The following FAM72C variants were observed in gnomAD, a reference collection of about 807,000 sequenced individuals.
The protein encoded by FAM72C is RUMY family member 3.
In FAM72C, 1 loss-of-function variant was observed where a neutral mutation model predicts 5.2. The observed-to-expected ratio is 0.19, with a 90% confidence interval of 0.07 to 0.91. FAM72C has a LOEUF of 0.91. Among genes scored for constraint, FAM72C ranks in the 40% least tolerant of loss-of-function variants. FAM72C has a pLI of 0.66. For synonymous variants in FAM72C, 1 was observed against 21.8 expected, an observed-to-expected ratio of 0.05 and a Z score of 2.66; for missense variants, 4 against 66.0, an observed-to-expected ratio of 0.06 and a Z score of 3.25.
At chr1:143,967,189 C>G (rs1298396312) in intron 2 of FAM72C, among the ~76,000 whole-genome samples, 2 of 144,856 alleles carry the variant, frequency 1.4e-5, no homozygotes, top group African/African-American at 5.1e-5. Flanking sequence ...CAAAAATTAG[C>G]CGGGTGGGCT....
intron 2 of FAM72C, among the ~76,000 whole-genome samples, chr1:143,967,282 A>G (rs1661800105): frequency 6.9e-6 from 1 of 145,884 alleles, no homozygotes; most frequent in Non-Finnish European, 1.5e-5. Flanking sequence ...GTTTGAGAGC[A>G]GCCTGGCCAA....
Position 143,960,796 on chromosome 1 carries a change from T to A in FAM72C, c.355+4059A>T, listed in dbSNP as rs782070386. ...CACAAGGAAAAAGAATTTTTTTTTT[T>A]TAAAAGAATTGGTAGTGTACTTTCT... is the stretch of plus-strand genomic sequence containing the variant. On this transcript the variant is annotated intron_variant, in intron 3 of 3. Transcript: ENST00000584486. Among the ~76,000 whole-genome samples the A allele has an allele frequency of 1.4e-3, 203 of 144,912 alleles. 19 individuals carry two copies. The highest frequency in any genetic ancestry group is 1.8e-3 in the Non-Finnish European group (119 of 65,568).
chr1:143,963,831 T>C (rs1313055796), intron 3 of FAM72C, among the ~76,000 whole-genome samples: 4 of 140,610 alleles, frequency 2.8e-5, no homozygotes, highest in African/African-American at 1.1e-4. Flanking sequence ...TTTTTTTTCT[T>C]TTTTGAGACA....
chr1:143,959,209 C>T (rs1461306995), intron 3 of FAM72C, among the ~76,000 whole-genome samples: 1 of 136,290 alleles, frequency 7.3e-6, no homozygotes, highest in African/African-American at 3.1e-5. Flanking sequence ...GGGCTTTTAT[C>T]TTTGAAAAAT....
At chr1:143,959,631 TA>T (rs1396095468) in intron 3 of FAM72C, among the ~76,000 whole-genome samples, 1 of 123,348 alleles carries the variant, frequency 8.1e-6, no homozygotes, top group African/African-American at 3.2e-5. Context: ...TAAAGGAGAC[TA>T]AAACATGCAT....
chr1:143,962,216 GT>G (rs1220161911), intron 3 of FAM72C, among the ~76,000 whole-genome samples: 1 of 143,418 alleles, frequency 7.0e-6, no homozygotes, highest in Non-Finnish European at 1.5e-5. Context: ...GTTTCTCCAT[GT>G]TGGTCAGGCT....
intron 2 of FAM72C, among the ~76,000 whole-genome samples, chr1:143,965,484 C>T (rs1661749398): frequency 9.3e-6 from 1 of 107,584 alleles, no homozygotes; most frequent in Non-Finnish European, 1.9e-5. Flanking sequence ...GCATGAGCCA[C>T]CATGCTTGTC....
intron 2 of FAM72C, among the ~76,000 whole-genome samples, chr1:143,967,295 T>C (rs1475182256): frequency 0.01 from 1,483 of 145,144 alleles, 117 homozygotes; most frequent in African/African-American, 0.034. Flanking sequence ...CTGGCCAACA[T>C]GGTGAAACCC....
At chr1:143,959,803 T>C (rs1357862770) in intron 3 of FAM72C, among the ~76,000 whole-genome samples, 5 of 130,116 alleles carry the variant, frequency 3.8e-5, no homozygotes, top group Non-Finnish European at 4.9e-5. Flanking sequence ...TGGCAAAAAC[T>C]GGTCTCTACG....
chr1:143,962,202 C>A lies in FAM72C; in HGVS notation c.355+2653G>T, dbSNP rs1192182997. Among the ~76,000 whole-genome samples, 30 of 142,420 alleles carry A rather than the reference C, an allele frequency of 2.1e-4. 4 individuals carry two copies. The highest frequency in any genetic ancestry group is 4.5e-4 in the Non-Finnish European group (29 of 64,412). 93.4% of individuals were successfully genotyped at this position (142,420 alleles called of 152,430 possible). On this transcript the variant is annotated intron_variant, in intron 3 of 3. Coordinates refer to ENST00000584486, the MANE Select transcript of FAM72C (RefSeq NM_001287385.2). ...GCTAATTTTGTATTTTTAGTAGAGA[C>A]GGGGTTTCTCCATGTTGGTCAGGCT...
rs2101708188 is a variant in FAM72C, at chr1:143,967,363, A to G, written c.230+1561T>C. Among the ~76,000 whole-genome samples, 2 of 144,638 alleles carry G rather than the reference A, an allele frequency of 1.4e-5. 1 individual carries two copies. Among genetic ancestry groups the G allele is most frequent in the East Asian group, 4.1e-4 (2 of 4,888 alleles). 94.9% of individuals were successfully genotyped at this position (144,638 alleles called of 152,430 possible). A position where few individuals can be genotyped will look rare whatever the true frequency, so the allele number is the denominator to read the frequency against. On this transcript the variant is annotated intron_variant, in intron 2 of 3. Transcript: ENST00000584486. ...CATGGTGGTGCGTGCCTGTAGTCTC[A>G]GCTACTCAGGAGGCTGAGGCAGGAG...
chr1:143,966,248 C>T (rs1269453684), intron 2 of FAM72C, among the ~76,000 whole-genome samples: 6 of 116,780 alleles, frequency 5.1e-5, no homozygotes, highest in East Asian at 5.0e-4. Flanking sequence ...CTTTAATTAC[C>T]GCCTATATTC....
At chr1:143,967,404 G>C (rs1467914533) in intron 2 of FAM72C, among the ~76,000 whole-genome samples, 1 of 143,594 alleles carries the variant, frequency 7.0e-6, no homozygotes, top group African/African-American at 2.6e-5. Context: ...CTTGAACCTG[G>C]GAGGCAGAGG....
chr1:143,964,578 TC>T (rs1553518112), intron 3 of FAM72C, among the ~76,000 whole-genome samples: 1 of 2,326 alleles, frequency 4.3e-4, no homozygotes, highest in East Asian at 6.9e-3. Flanking sequence ...AGAATATGTA[TC>T]AAGGCAGCAG....
intron 1 of FAM72C, 25 bp downstream of exon 1, chr1:143,970,964 CG>C: frequency 1.2e-5 from 1 of 80,178 alleles, no homozygotes. Flanking sequence ...TAAAAGCTAC[CG>C]TTGCCCGCCA....
At chr1:143,964,034 G>A (rs1222490920) in intron 3 of FAM72C, among the ~76,000 whole-genome samples, 2 of 47,140 alleles carry the variant, frequency 4.2e-5, no homozygotes, top group Non-Finnish European at 8.4e-5. Context: ...GCCCAGGCTG[G>A]TCTCAAACTC....
chr1:143,967,473 G>C lies in FAM72C; in HGVS notation c.230+1451C>G, dbSNP rs1479086928. Among the ~76,000 whole-genome samples the C allele has an allele frequency of 1.5e-5, 2 of 135,264 alleles. 1 individual carries two copies. The highest frequency in any genetic ancestry group is 3.2e-5 in the Non-Finnish European group (2 of 62,758). The allele number at this position is 135,264 out of a possible 152,430, so 88.7% of individuals were successfully genotyped here. A position where few individuals can be genotyped will look rare whatever the true frequency, so the allele number is the denominator to read the frequency against. Reference sequence around the variant, plus strand: ...AGCCTGGGCGACAGAGCAAAACTCCGTCTTAAAAAAAAAAAAAAAAGAAAA... The same window carrying C: ...AGCCTGGGCGACAGAGCAAAACTCCCTCTTAAAAAAAAAAAAAAAAGAAAA... On this transcript the variant is annotated intron_variant, in intron 2 of 3. Transcript: ENST00000584486.
chr1:143,965,371 T>G (rs1251184147), intron 2 of FAM72C, among the ~76,000 whole-genome samples: 2 of 94,740 alleles, frequency 2.1e-5, no homozygotes, highest in Non-Finnish European at 4.3e-5. Context: ...AACTTTTGTG[T>G]TATTAGTAGA....
Position 143,967,205 on chromosome 1 carries a change from C to T in FAM72C, c.230+1719G>A, listed in dbSNP as rs1402634512. ...AAAAATTAGCCGGGTGGGCTGGGTGCGGTGGCTCACGCCTGTAATCCTAGC... is the reference window on the plus strand; with the variant it reads ...AAAAATTAGCCGGGTGGGCTGGGTGTGGTGGCTCACGCCTGTAATCCTAGC... On this transcript the variant is annotated intron_variant, in intron 2 of 3. Transcript: ENST00000584486. 5.6e-4 allele frequency among the ~76,000 whole-genome samples: 82 copies of T among 145,622 alleles called. 5 individuals carry two copies. The East Asian group carries it at 0.01, about 18-fold the overall frequency.
Sources: gnomAD v4.1 joint callset for allele counts (sites outside exome capture counted in the v4.1 genomes callset) on GRCh38, gnomAD v4.1.1 for gene constraint, MANE v1.5 for transcripts, NCBI Gene and HGNC (gene_info 2026-07-23, HGNC 2026-07-21) for gene names.